The following PDE3B variants were observed in gnomAD, a reference collection of about 807,000 sequenced individuals.
PDE3B encodes phosphodiesterase 3B, also known as cGMP-inhibited 3',5'-cyclic phosphodiesterase 3B.
A neutral mutation model predicts 116.8 loss-of-function variants in PDE3B; 66 were observed. That is an observed-to-expected ratio of 0.56 (90% CI 0.46 to 0.69). The LOEUF (loss-of-function observed/expected upper bound fraction) is 0.69. Ranked by LOEUF, PDE3B falls within the 30% of genes least tolerant of loss-of-function variation. The probability of loss-of-function intolerance (pLI) is 0.00; values close to 1 mark genes in which losing one functional copy is unlikely to be tolerated. For synonymous variants in PDE3B, 595 were observed against 533.6 expected (o/e 1.12, Z -1.59); for missense variants, 1,384 against 1,368.1 (o/e 1.01, Z -0.18).
chr11:14,810,093 A>G (rs1451868745), intron 5 of PDE3B, among the ~76,000 whole-genome samples: 3 of 152,210 alleles, frequency 2.0e-5, no homozygotes, highest in Admixed American at 6.5e-5. Context: ...ATAAAAGCAT[A>G]TAAGATTCAG....
At chr11:14,811,324 C>T (rs1859122124) in intron 5 of PDE3B, among the ~76,000 whole-genome samples, 1 of 152,240 alleles carries the variant, frequency 6.6e-6, no homozygotes, top group Non-Finnish European at 1.5e-5. Context: ...AGTCTTTAAT[C>T]CATCTTGAAT....
At chr11:14,729,895 C>A (rs1044182424) in intron 1 of PDE3B, among the ~76,000 whole-genome samples, 1 of 152,006 alleles carries the variant, frequency 6.6e-6, no homozygotes, top group African/African-American at 2.4e-5. Context: ...TAGAAATCAA[C>A]TCTGGATATT....
intron 1 of PDE3B, among the ~76,000 whole-genome samples, chr11:14,739,085 G>A (rs189860486): frequency 2.7e-4 from 41 of 152,256 alleles, no homozygotes; most frequent in African/African-American, 8.7e-4. Flanking sequence ...GGCTATGCAG[G>A]CCCTTTTTTG....
chr11:14,745,321 G>A (rs1856882704), intron 1 of PDE3B, among the ~76,000 whole-genome samples: 1 of 152,066 alleles, frequency 6.6e-6, no homozygotes, highest in South Asian at 2.1e-4. Flanking sequence ...TACTGTATCT[G>A]GATAATCACT....
chr11:14,722,060 CA>C (rs921913024), intron 1 of PDE3B, among the ~76,000 whole-genome samples: 2 of 143,926 alleles, frequency 1.4e-5, no homozygotes, highest in East Asian at 2.1e-4. Context: ...ATCGCCAGGA[CA>C]AAAAACAAAA....
downstream of PDE3B, among the ~76,000 whole-genome samples, chr11:14,874,402 G>T (rs76803998): frequency 6.6e-6 from 1 of 152,072 alleles, no homozygotes; most frequent in African/African-American, 2.4e-5. Context: ...TCATGTGACT[G>T]TAAGGACTTA....
chr11:14,762,143 C>T (rs543266649), intron 1 of PDE3B, among the ~76,000 whole-genome samples: 36 of 150,864 alleles, frequency 2.4e-4, no homozygotes, highest in South Asian at 4.2e-4. Context: ...CCTGTCTCTA[C>T]GGATTTTATA....
intron 1 of PDE3B, among the ~76,000 whole-genome samples, chr11:14,702,583 A>T (rs984245771): frequency 1.3e-5 from 2 of 151,856 alleles, no homozygotes; most frequent in African/African-American, 4.8e-5. Context: ...GGAGACTTTC[A>T]GAGAGACTGT....
At position 14,825,220 on chromosome 11, in the gene PDE3B, C is replaced by G. The variant is rs1115248; in HGVS notation, c.1808-5478C>G. ...AGTACACAGACCCAGTGATGTAAAG[C>G]TACCACACAAGCTGGCTTAATAACC... is the stretch of plus-strand genomic sequence containing the variant. On this transcript the variant is annotated intron_variant, in intron 7 of 15. Coordinates refer to ENST00000282096, the MANE Select transcript of PDE3B (RefSeq NM_000922.4). Among the ~76,000 whole-genome samples, 389 of 152,236 alleles carry G rather than the reference C, an allele frequency of 2.6e-3. 1 individual carries two copies. Among genetic ancestry groups the G allele is most frequent in the African/African-American group, 8.1e-3 (337 of 41,540 alleles).
chr11:14,885,393 T>C, the PDE3B span, among the ~76,000 whole-genome samples: 1 of 152,132 alleles, frequency 6.6e-6, no homozygotes, highest in Non-Finnish European at 1.5e-5. Flanking sequence ...CTGCTTCAAG[T>C]TCTGTAAGCT....
chr11:14,856,533 A>G (rs1847853777), intron 12 of PDE3B, among the ~76,000 whole-genome samples: 1 of 152,072 alleles, frequency 6.6e-6, no homozygotes, highest in Admixed American at 6.6e-5. Context: ...TAAATGAACA[A>G]TCTTTCTTAA....
In PDE3B at chr11:14,790,750, C is replaced by T. The variant is rs563948605; in HGVS notation, c.1415+1508C>T. On this transcript the variant is annotated intron_variant, in intron 4 of 15. Coordinates refer to ENST00000282096, the MANE Select transcript of PDE3B (RefSeq NM_000922.4). ...ATAAATTAATTGGTGGTATTATGTA[C>T]GTCTATTTTAAAGAGACCAGGCTAG... 2.6e-4 allele frequency among the ~76,000 whole-genome samples: 39 copies of T among 152,144 alleles called. No individual in the cohort carries two copies. In the South Asian group the frequency reaches 5.8e-3, roughly 23 times the overall value.
At chr11:14,682,123 G>T (rs550472627) in intron 1 of PDE3B, among the ~76,000 whole-genome samples, 58 of 152,248 alleles carry the variant, frequency 3.8e-4, no homozygotes, top group African/African-American at 1.3e-3. Flanking sequence ...TATCATAAAG[G>T]TCTTCATCCT....
At chr11:14,896,259 C>A in the PDE3B span, among the ~76,000 whole-genome samples, 14 of 152,108 alleles carry the variant, frequency 9.2e-5, no homozygotes, top group African/African-American at 3.4e-4. Flanking sequence ...AACAGAGAGT[C>A]AGAGGAAGTT....
At chr11:14,868,871 A>C (rs1485049272) in intron 15 of PDE3B, among the ~76,000 whole-genome samples, 1 of 152,168 alleles carries the variant, frequency 6.6e-6, no homozygotes, top group Non-Finnish European at 1.5e-5. Flanking sequence ...AAATACAAAA[A>C]TATGCTGGAA....
At position 14,706,836 on chromosome 11, in the gene PDE3B, C is replaced by G. The variant is rs372481915; in HGVS notation, c.978+61783C>G. On this transcript the variant is annotated intron_variant, in intron 1 of 15. Coordinates refer to ENST00000282096, the MANE Select transcript of PDE3B (RefSeq NM_000922.4). ...TTTCAAAATGGCTTTGAAGACATAA[C>G]TGCAGTTTTCATATTTTTCATACTT... 1.3e-3 allele frequency among the ~76,000 whole-genome samples: 197 copies of G among 152,044 alleles called. 1 individual carries two copies. The highest frequency in any genetic ancestry group is 4.3e-3 in the African/African-American group (178 of 41,534).
chr11:14,891,674 C>T, the PDE3B span: 66 of 1,163,950 alleles, frequency 5.7e-5, no homozygotes, highest in Non-Finnish European at 6.9e-5. Context: ...GCGCGGCTGG[C>T]GAGCCAAACG....
chr11:14,690,202 C>G (rs529344543), intron 1 of PDE3B, among the ~76,000 whole-genome samples: 18 of 152,164 alleles, frequency 1.2e-4, no homozygotes, highest in African/African-American at 4.1e-4. Context: ...TTGAAATACA[C>G]GGGGCCAGAA....
intron 1 of PDE3B, among the ~76,000 whole-genome samples, chr11:14,713,743 T>A (rs976696253): frequency 6.6e-6 from 1 of 151,690 alleles, no homozygotes; most frequent in Non-Finnish European, 1.5e-5. Flanking sequence ...CACATACTAT[T>A]GTTTCTGTTT....
Sources: allele counts gnomAD v4.1 joint callset (sites outside exome capture counted in the v4.1 genomes callset), GRCh38; gene constraint gnomAD v4.1.1; transcripts MANE v1.5; gene names NCBI Gene and HGNC (gene_info 2026-07-23, HGNC 2026-07-21).